Variants in DNAJC18 observed in about 807,000 individuals in gnomAD.
The protein encoded by DNAJC18 is dnaJ homolog subfamily C member 18.
DNAJC18 carries 40 observed loss-of-function variants against 48.6 expected under a neutral mutation model. That is an observed-to-expected ratio of 0.82 (90% CI 0.64 to 1.07). The LOEUF is 1.07. Ranked by LOEUF, DNAJC18 falls within the 50% of genes least tolerant of loss-of-function variation. The probability of loss-of-function intolerance (pLI) is 0.00; values close to 1 mark genes in which losing one functional copy is unlikely to be tolerated. For synonymous variants in DNAJC18, 135 were observed against 152.2 expected (o/e 0.89, Z 0.83); for missense variants, 340 against 427.7 (o/e 0.79, Z 1.81).
chr5:139,427,904 G>C (rs981385756), intron 3 of DNAJC18, among the ~76,000 whole-genome samples: 1 of 152,060 alleles, frequency 6.6e-6, no homozygotes, highest in Non-Finnish European at 1.5e-5. Flanking sequence ...TACCCCATAG[G>C]CGACAACTAC....
At chr5:139,425,170 C>CTT in intron 4 of DNAJC18, 56 bp from the exon 5 acceptor site, 109 of 1,283,810 alleles carry the variant, frequency 8.5e-5, no homozygotes, top group South Asian at 8.8e-5. Flanking sequence ...CTGCCTTTTT[C>CTT]TTTTTTTTTT....
At chr5:139,426,054 C>G (rs1214523727) in intron 4 of DNAJC18, 118 bp downstream of exon 4, 19 of 1,176,574 alleles carry the variant, frequency 1.6e-5, no homozygotes, top group Middle Eastern at 2.9e-4. Context: ...TCAACTGATT[C>G]TAGATCCTTG....
In DNAJC18 at chr5:139,412,591, T is replaced by C. The variant is rs997095185; in HGVS notation, c.*1557A>G. The C allele has an allele frequency of 7.5e-6, 3 of 398,012 alleles. No homozygotes were observed. Among genetic ancestry groups the C allele is most frequent in the African/African-American group, 2.1e-5 (1 of 48,618 alleles). The allele number at this position is 398,012 out of a possible 1,614,324, so 24.7% of individuals were successfully genotyped here. A position where few individuals can be genotyped will look rare whatever the true frequency, so the allele number is the denominator to read the frequency against. ...TCTACCAGAAACTTTTCTTCCAATA[T>C]GAAGGAAGCATGGAGTGTAGGCTAC... On this transcript the variant is annotated 3_prime_UTR_variant, in exon 8 of 8. Transcript: ENST00000302060.
intron 7 of DNAJC18, among the ~76,000 whole-genome samples, chr5:139,417,373 CTAAATT>C (rs1759085529): frequency 6.6e-6 from 1 of 152,102 alleles, no homozygotes; most frequent in Non-Finnish European, 1.5e-5. Flanking sequence ...CCTCCAAGTG[CTAAATT>C]TAACCTTGTT....
At chr5:139,428,704 G>A (rs1043008633) in intron 2 of DNAJC18, 21 bp from the exon 3 acceptor site, 2 of 1,605,410 alleles carry the variant, frequency 1.2e-6, no homozygotes, top group Admixed American at 1.7e-5. Context: ...TCACAAGCAT[G>A]TATGTCTATA....
rs1488489397 is a variant in DNAJC18, at chr5:139,439,238, C to T, written c.40+168G>A. Among the ~76,000 whole-genome samples, 1 of 152,040 alleles carries T rather than the reference C, an allele frequency of 6.6e-6. No homozygotes were observed. Among genetic ancestry groups the T allele is most frequent in the African/African-American group, 2.4e-5 (1 of 41,404 alleles). On this transcript the variant is annotated intron_variant, in intron 1 of 7. Transcript: ENST00000302060. This position sits in a 1 kb window ranked among gnomAD's most constrained non-coding sequence, Gnocchi z 4.1. The stretch of plus-strand genomic sequence containing the variant: ...GGTGACTCTGGGCTCGCGGTCGGTC[C>T]CCAGCTTCCCTACCCCATCCGCAAC...
chr5:139,416,690 G>A (rs746555018), intron 7 of DNAJC18, among the ~76,000 whole-genome samples: 13 of 152,232 alleles, frequency 8.5e-5, no homozygotes, highest in Non-Finnish European at 1.6e-4. Flanking sequence ...GCTCAAGGGT[G>A]TGGAAAGAAG....
chr5:139,413,008 GGT>G lies in DNAJC18; in HGVS notation c.*1138_*1139del. On this transcript the variant is annotated 3_prime_UTR_variant, in exon 8 of 8. Transcript: ENST00000302060. ...TCTTGCTCTGCCACTACAAGACCTG[GGT>G]CATCCTCTCTGGGCCAATGTTCTCA... The G allele has an allele frequency of 2.5e-6, 1 of 397,842 alleles. No homozygotes were observed. Among genetic ancestry groups the G allele is most frequent in the Non-Finnish European group, 4.4e-6 (1 of 226,040 alleles). 24.6% of individuals were successfully genotyped at this position (397,842 alleles called of 1,614,324 possible). A position where few individuals can be genotyped will look rare whatever the true frequency, so the allele number is the denominator to read the frequency against.
intron 2 of DNAJC18, among the ~76,000 whole-genome samples, chr5:139,435,790 C>T (rs371485155): frequency 1.1e-4 from 15 of 139,822 alleles, no homozygotes; most frequent in Non-Finnish European, 2.1e-4. Flanking sequence ...ACTGTAGCCT[C>T]GCCCTTCCTG....
At position 139,422,820 on chromosome 5, in the gene DNAJC18, G is replaced by GA; in HGVS notation, c.670-4dup. On this transcript the variant is annotated splice_region_variant and splice_polypyrimidine_tract_variant and intron_variant, in intron 5 of 7. Transcript: ENST00000302060. ...TGAATAAATGCAGAATATGTAGTCT[G>GA]AAAAAGAAAAAAAAATAAAAACTTG... 6.5e-7 allele frequency: 1 copy of GA among 1,546,896 alleles called. No homozygotes were observed. The highest frequency in any genetic ancestry group is 1.4e-5 in the African/African-American group (1 of 70,192).
At chr5:139,421,787 G>A (rs1415894058) in intron 6 of DNAJC18, among the ~76,000 whole-genome samples, 4 of 152,092 alleles carry the variant, frequency 2.6e-5, no homozygotes, top group Non-Finnish European at 5.9e-5. Flanking sequence ...CAGCCCAGGC[G>A]ACAGAGTGAG....
Position 139,425,040 on chromosome 5 carries a change from G to C in DNAJC18, c.634C>G (p.Gln212Glu). The C allele has an allele frequency of 6.2e-7, 1 of 1,613,326 alleles. No individual in the cohort carries two copies. The highest frequency in any genetic ancestry group is 8.5e-7 in the Non-Finnish European group (1 of 1,179,476). Residue 212 changes from glutamine to glutamate, a missense_variant, in exon 5 of 8, where the codon CAG (glutamine) becomes GAG (glutamate). By Grantham distance (29) the Gln-to-Glu change is conservative. Transcript: ENST00000302060. ...TCTTCTTCCTCCTCCTTCTGAGTCT[G>C]TGTCCTCTCATGTCGGTGCCGTCGA... ...YRRRHRHERT[Q>E]TQKEEEEEKP... is the part of the protein sequence containing the mutation.
intron 7 of DNAJC18, among the ~76,000 whole-genome samples, chr5:139,414,621 A>T (rs537967494): frequency 2.0e-5 from 3 of 152,368 alleles, no homozygotes; most frequent in Non-Finnish European, 4.4e-5. Context: ...AGCAGCTGGG[A>T]GAGAATGGAG....
chr5:139,430,663 G>C (rs1581420944), intron 2 of DNAJC18, among the ~76,000 whole-genome samples: 1 of 150,350 alleles, frequency 6.7e-6, no homozygotes. Context: ...TCTGCCTTCT[G>C]GGTTCAAGTG....
Position 139,422,835 on chromosome 5 carries a change from A to G in DNAJC18, c.670-18T>C, listed in dbSNP as rs1399603389. On this transcript the variant is annotated intron_variant, in intron 5 of 7. Coordinates refer to ENST00000302060, the MANE Select transcript of DNAJC18 (RefSeq NM_152686.4). ...TATGTAGTCTGAAAAAGAAAAAAAA[A>G]TAAAAACTTGCTGTAAGTGTTCTTT... is the stretch of plus-strand genomic sequence containing the variant. The G allele has an allele frequency of 6.4e-7, 1 of 1,550,714 alleles. No homozygotes were observed. The highest frequency in any genetic ancestry group is 8.7e-7 in the Non-Finnish European group (1 of 1,146,578).
At chr5:139,426,005 T>G (rs1759237739) in intron 4 of DNAJC18, among the ~76,000 whole-genome samples, 167 bp downstream of exon 4, 1 of 152,218 alleles carries the variant, frequency 6.6e-6, no homozygotes, top group Non-Finnish European at 1.5e-5. Context: ...GTCAAAATTA[T>G]GCACAGCTGG....
chr5:139,437,222 A>C (rs558975981), intron 2 of DNAJC18, 150 bp downstream of exon 2: 1 of 999,436 alleles, frequency 1.0e-6, no homozygotes, highest in East Asian at 2.9e-5. Flanking sequence ...TTCCACTTCT[A>C]TTCAGTCTTC....
chr5:139,414,450 G>A (rs1033136206), intron 7 of DNAJC18, among the ~76,000 whole-genome samples, 178 bp from the exon 8 acceptor site: 5 of 152,328 alleles, frequency 3.3e-5, no homozygotes, highest in Middle Eastern at 3.4e-3. Context: ...AGGTGTGGAG[G>A]ATTAAAGGGC....
At chr5:139,419,295 G>A (rs1244674272) in intron 7 of DNAJC18, 1 of 371,972 alleles carries the variant, frequency 2.7e-6, no homozygotes, top group Non-Finnish European at 5.2e-6. Flanking sequence ...CTGAGACGGG[G>A]CTACCCCTGC....
Sources: gnomAD v4.1 joint callset for allele counts (sites outside exome capture counted in the v4.1 genomes callset) on GRCh38, gnomAD v4.1.1 for gene constraint, Gnocchi (gnomAD v3.1) non-coding constraint, MANE v1.5 for transcripts, NCBI Gene and HGNC (gene_info 2026-07-23, HGNC 2026-07-21) for gene names.